The following RAB44 variants were observed in gnomAD, a reference collection of about 807,000 sequenced individuals.
RAB44 encodes ras-related protein Rab-44.
In RAB44, 67 loss-of-function variants were observed where a neutral mutation model predicts 93.3. The observed-to-expected ratio is 0.72, with a 90% CI of 0.59 to 0.88. The LOEUF (loss-of-function observed/expected upper bound fraction) is 0.88, where lower values mean the gene tolerates loss of function less well. Ranked by LOEUF, RAB44 falls within the 40% of genes least tolerant of loss-of-function variation. The probability of loss-of-function intolerance (pLI) is 0.00; values close to 1 mark genes in which losing one functional copy is unlikely to be tolerated. For synonymous variants in RAB44, 427 were observed against 520.3 expected (o/e 0.82, Z 2.44); for missense variants, 1,064 against 1,261.7 (o/e 0.84, Z 2.37).
intron 2 of RAB44, among the ~76,000 whole-genome samples, chr6:36,708,720 G>A (rs1483623847): frequency 1.3e-5 from 2 of 151,996 alleles, no homozygotes; most frequent in African/African-American, 4.8e-5. Context: ...ACAAAGCAGA[G>A]GAAATGATTC....
At position 36,725,935 on chromosome 6, in the gene RAB44, C is replaced by A. The variant is rs199734464; in HGVS notation, c.2673C>A (p.Gly891=). The change falls in exon 10 of 14, where the codon GGC becomes GGA. Residue 891 remains glycine, a synonymous_variant. Transcript: ENST00000612677. ...CFVLQLWDTA[G]QERYHSMTRQ... Reference sequence around the variant, plus strand: ...TGCTGCAGCTCTGGGACACAGCTGGCCAAGAGAGGTAACAGGCACTGTATA... The same window carrying A: ...TGCTGCAGCTCTGGGACACAGCTGGACAAGAGAGGTAACAGGCACTGTATA... 2 of 1,550,262 alleles carry A rather than the reference C, an allele frequency of 1.3e-6. No individual in the cohort carries two copies. The highest frequency in any genetic ancestry group is 1.7e-6 in the Non-Finnish European group (2 of 1,146,734).
chr6:36,702,967 GT>G (rs1335820487), intron 1 of RAB44, among the ~76,000 whole-genome samples: 1 of 152,230 alleles, frequency 6.6e-6, no homozygotes, highest in Non-Finnish European at 1.5e-5. Context: ...TAGATAAACA[GT>G]GATATCCACA....
chr6:36,714,928 C>T (rs547217375), intron 3 of RAB44, among the ~76,000 whole-genome samples: 2 of 152,248 alleles, frequency 1.3e-5, no homozygotes, highest in Non-Finnish European at 2.9e-5. Flanking sequence ...TTCTCTTTGC[C>T]GGGGACACAC....
chr6:36,704,115 A>G, intron 1 of RAB44, 109 bp from the exon 2 acceptor site: 1 of 1,014,270 alleles, frequency 9.9e-7, no homozygotes, highest in Non-Finnish European at 1.4e-6. Context: ...GGGCTTTGGC[A>G]GCCACAGTGG....
At chr6:36,704,673 C>G (rs934283948) in intron 2 of RAB44, among the ~76,000 whole-genome samples, 12 of 152,130 alleles carry the variant, frequency 7.9e-5, no homozygotes, top group African/African-American at 2.4e-4. Context: ...GTACTTTAAG[C>G]CAAAGAAGTA....
At chr6:36,726,339 G>A (rs551661022) in intron 10 of RAB44, among the ~76,000 whole-genome samples, 17 of 152,252 alleles carry the variant, frequency 1.1e-4, no homozygotes, top group African/African-American at 4.1e-4. Context: ...TCCACTTACC[G>A]GGTTCAAGCG....
intron 2 of RAB44, among the ~76,000 whole-genome samples, chr6:36,708,034 G>T (rs972286764): frequency 8.5e-5 from 13 of 152,062 alleles, no homozygotes; most frequent in African/African-American, 2.4e-4. Context: ...AATATGGAGA[G>T]ATTCCATCCT....
intron 12 of RAB44, 103 bp from the exon 13 acceptor site, chr6:36,730,570 A>G (rs1763336491): frequency 1.6e-6 from 1 of 615,404 alleles, no homozygotes; most frequent in Non-Finnish European, 2.4e-6. Context: ...CAGCTTAGGG[A>G]TGCATTGGGA....
chr6:36,720,476 G>A lies in RAB44; in HGVS notation c.942G>A (p.Gly314=). ...DLAGRLEEVR[G]QLQVTRGRLD... ...CTGGGCGGCTGGAGGAGGTGCGGGG[G>A]CAGCTGCAGGTGACCAGGGGGCGCC... Residue 314 remains glycine, a synonymous_variant, in exon 8 of 14, where the codon GGG becomes GGA. Coordinates refer to ENST00000612677, the MANE Select transcript of RAB44 (RefSeq NM_001257357.2). 2 of 1,233,174 alleles carry A rather than the reference G, an allele frequency of 1.6e-6. No individual in the cohort carries two copies. The highest frequency in any genetic ancestry group is 2.0e-6 in the Non-Finnish European group (2 of 988,372). 76.4% of individuals were successfully genotyped at this position (1,233,174 alleles called of 1,614,324 possible). A position where few individuals can be genotyped will look rare whatever the true frequency, so the allele number is the denominator to read the frequency against.
At chr6:36,704,167 G>A in intron 1 of RAB44, 57 bp from the exon 2 acceptor site, 3 of 1,427,354 alleles carry the variant, frequency 2.1e-6, no homozygotes, top group Non-Finnish European at 2.9e-6. Flanking sequence ...AGGGTTTTGA[G>A]CCATGAGAGG....
Position 36,722,567 on chromosome 6 carries a change from TG to T in RAB44, c.2436del (p.Leu813Ter). 1 of 1,549,570 alleles carries T rather than the reference TG, an allele frequency of 6.5e-7. No individual in the cohort carries two copies. Among genetic ancestry groups the T allele is most frequent in the Non-Finnish European group, 8.7e-7 (1 of 1,146,356 alleles). The stretch of plus-strand genomic sequence containing the variant: ...ATCCAGGAATGGACTCCAGGGAAGC[TG>T]GGCTGACCCCATCCCCGGGAGACCC... ...EDPGMDSREA[G>X]LTPSPGDPMA... On this transcript the variant is annotated frameshift_variant, in exon 9 of 14. Transcript: ENST00000612677. LOFTEE classifies it high-confidence loss of function.
At chr6:36,713,570 C>T (rs1762838473) in intron 2 of RAB44, among the ~76,000 whole-genome samples, 2 of 152,162 alleles carry the variant, frequency 1.3e-5, no homozygotes, top group Non-Finnish European at 2.9e-5. Context: ...TTCCTAAAGA[C>T]ATGGGACTTA....
At position 36,722,553 on chromosome 6, in the gene RAB44, G is replaced by A; in HGVS notation, c.2419G>A (p.Asp807Asn). 6.5e-7 allele frequency: 1 copy of A among 1,546,732 alleles called. No homozygotes were observed. The highest frequency in any genetic ancestry group is 8.7e-7 in the Non-Finnish European group (1 of 1,144,738). ...AESRLEDPGMDSREAGLTPSP... is the reference protein window; with the variant it reads ...AESRLEDPGMNSREAGLTPSP... ...GAGCAGGCTTGAAGATCCAGGAATG[G>A]ACTCCAGGGAAGCTGGGCTGACCCC... Residue 807 changes from aspartate (D) to asparagine (N), a missense_variant, in exon 9 of 14, where the codon GAC becomes AAC. Asp to Asn is a conservative substitution (Grantham distance 23). Coordinates refer to ENST00000612677, the MANE Select transcript of RAB44 (RefSeq NM_001257357.2).
chr6:36,713,964 T>G (rs760134733), intron 3 of RAB44, 25 bp downstream of exon 3: 15 of 1,397,526 alleles, frequency 1.1e-5, no homozygotes, highest in South Asian at 6.1e-5. Context: ...GGAGGGCCTC[T>G]GGGCACCCAG....
intron 1 of RAB44, among the ~76,000 whole-genome samples, chr6:36,702,850 C>A (rs1300690203): frequency 1.3e-5 from 2 of 152,218 alleles, no homozygotes; most frequent in African/African-American, 2.4e-5. Flanking sequence ...AAATCCTTAT[C>A]AATTGACTGA....
At chr6:36,698,356 T>C (rs11753407) in intron 1 of RAB44, among the ~76,000 whole-genome samples, 17,524 of 152,176 alleles carry the variant, frequency 0.12, 1,087 homozygotes, top group South Asian at 0.19. Flanking sequence ...CAGTGATGGA[T>C]ACCCGGAGGC....
Position 36,721,894 on chromosome 6 carries a change from A to G in RAB44, c.1760A>G (p.Asp587Gly). The G allele has an allele frequency of 8.1e-7, 1 of 1,235,196 alleles. No homozygotes were observed. Among genetic ancestry groups the G allele is most frequent in the South Asian group, 4.1e-5 (1 of 24,424 alleles). 76.5% of individuals were successfully genotyped at this position (1,235,196 alleles called of 1,614,324 possible). A position where few individuals can be genotyped will look rare whatever the true frequency, so the allele number is the denominator to read the frequency against. ...CCAGCCAAGCCGCCCAGGCAGAGAGATGCCCTCCAGCAGGACCTGCATGCC... is the reference window on the plus strand; with the variant it reads ...CCAGCCAAGCCGCCCAGGCAGAGAGGTGCCCTCCAGCAGGACCTGCATGCC... ...VGPAKPPRQR[D>G]ALQQDLHATG... is the part of the protein sequence containing the mutation. The change falls in exon 9 of 14, where the codon GAT becomes GGT. Residue 587 changes from aspartate to glycine, a missense_variant. Transcript: ENST00000612677.
chr6:36,722,017 C>G lies in RAB44; in HGVS notation c.1883C>G (p.Pro628Arg). The G allele has an allele frequency of 8.1e-7, 1 of 1,233,596 alleles. No homozygotes were observed. Among genetic ancestry groups the G allele is most frequent in the Non-Finnish European group, 1.0e-6 (1 of 988,464 alleles). 76.4% of individuals were successfully genotyped at this position (1,233,596 alleles called of 1,614,324 possible). ...GGCCTGGAATTTGTGGGTCCGGTGC[C>G]CACAGAGAGGCTGGAGCAGGGCCAG... ...FQGLEFVGPV[P>R]TERLEQGQAG... The change falls in exon 9 of 14, where the codon CCC (proline) becomes CGC (arginine). Residue 628 changes from proline (P) to arginine (R), a missense_variant. By Grantham distance (103) the Pro-to-Arg change is moderately radical. Transcript: ENST00000612677.
In RAB44 at chr6:36,714,078, C is replaced by T. The variant is rs143258965; in HGVS notation, c.319+139C>T. The T allele has an allele frequency of 3.8e-4, 241 of 635,024 alleles. 1 individual carries two copies. The highest frequency in any genetic ancestry group is 3.6e-3 in the African/African-American group (199 of 55,260). 39.3% of individuals were successfully genotyped at this position (635,024 alleles called of 1,614,324 possible). On this transcript the variant is annotated intron_variant, in intron 3 of 13. Transcript: ENST00000612677. ...CCCATCCCCGGCTGCCACAGTGGTC[C>T]GGGGCCCTCCCCTGTGCATCCCCTC...
Sources: gnomAD v4.1 joint callset for allele counts (sites outside exome capture counted in the v4.1 genomes callset) on GRCh38, gnomAD v4.1.1 for gene constraint, MANE v1.5 for transcripts, NCBI Gene and HGNC (gene_info 2026-07-23, HGNC 2026-07-21) for gene names.